IL6ST: variants seen among roughly 807,000 people sequenced by gnomAD.
IL6ST encodes the protein interleukin-6 receptor subunit beta.
IL6ST carries 24 observed loss-of-function variants against 91.3 expected under a neutral mutation model. That is an observed-to-expected ratio of 0.26 (90% CI 0.19 to 0.37). The LOEUF (loss-of-function observed/expected upper bound fraction) is 0.37. IL6ST is among the 10% of genes least tolerant of loss of function. The pLI, the probability that IL6ST is intolerant of heterozygous loss-of-function variation, is 1.00. For synonymous variants in IL6ST, 351 were observed against 373.6 expected (o/e 0.94, Z 0.70); for missense variants, 914 against 1,078.5 (o/e 0.85, Z 2.14).
At chr5:55,969,936 TAG>T (rs755303203) in intron 3 of IL6ST, 81 bp from the exon 4 acceptor site, 240 of 859,802 alleles carry the variant, frequency 2.8e-4, no homozygotes, top group Non-Finnish European at 4.2e-4. Flanking sequence ...GCACTCAATG[TAG>T]AGTCCCTCAA....
intron 5 of IL6ST, among the ~76,000 whole-genome samples, chr5:55,967,002 G>A (rs908313355): frequency 6.6e-6 from 1 of 151,424 alleles, no homozygotes; most frequent in Admixed American, 6.6e-5. Flanking sequence ...AGATCTAAAA[G>A]CAATTTTTTG....
intron 1 of IL6ST, among the ~76,000 whole-genome samples, chr5:55,984,555 A>G (rs1351350883): frequency 6.6e-6 from 1 of 152,216 alleles, no homozygotes; most frequent in Non-Finnish European, 1.5e-5. Context: ...AGAAGCTAGG[A>G]GAGGCAAAGG....
rs1372740824 is a variant in IL6ST at position 55,937,462 on chromosome 5, G to C, written c.*3620C>G. 1 of 211,040 alleles carries C rather than the reference G, an allele frequency of 4.7e-6. No homozygotes were observed. Among genetic ancestry groups the C allele is most frequent in the African/African-American group, 2.3e-5 (1 of 44,122 alleles). The allele number at this position is 211,040 out of a possible 1,614,324, so 13.1% of individuals were successfully genotyped here. A position where few individuals can be genotyped will look rare whatever the true frequency, so the allele number is the denominator to read the frequency against. ...AATACGCTTGGCTTTGTAAAGTTTT[G>C]TTTTGACTTACATCATCTGAATTCT... On this transcript the variant is annotated 3_prime_UTR_variant, in exon 17 of 17. Transcript: ENST00000381298.
chr5:55,953,232 A>G (rs1215403011), intron 11 of IL6ST, among the ~76,000 whole-genome samples: 1 of 152,180 alleles, frequency 6.6e-6, no homozygotes, highest in African/African-American at 2.4e-5. Context: ...ATGAAGTTAC[A>G]TGCTCCTTTA....
intron 1 of IL6ST, among the ~76,000 whole-genome samples, chr5:55,992,407 T>C (rs1437296538): frequency 6.6e-6 from 1 of 152,204 alleles, no homozygotes; most frequent in African/African-American, 2.4e-5. Flanking sequence ...CCTTTAGATC[T>C]ACCACTTAGC....
chr5:55,968,513 A>G (rs999691968), intron 4 of IL6ST, 117 bp from the exon 5 acceptor site: 10 of 876,360 alleles, frequency 1.1e-5, no homozygotes, highest in Non-Finnish European at 1.4e-5. Context: ...AAACCCAAGC[A>G]AAAAGTATGG....
chr5:55,946,385 C>T (rs1751250889), intron 15 of IL6ST, among the ~76,000 whole-genome samples: 1 of 152,220 alleles, frequency 6.6e-6, no homozygotes, highest in Non-Finnish European at 1.5e-5. Context: ...AAAACATATG[C>T]TCGCACAGTT....
At chr5:55,963,530 G>A (rs906594957) in intron 6 of IL6ST, 24 bp from the exon 7 acceptor site, 2 of 1,562,842 alleles carry the variant, frequency 1.3e-6, no homozygotes, top group Non-Finnish European at 8.7e-7. Context: ...TAAATCCTAA[G>A]GTTTATTATG....
chr5:55,938,236 G>A lies in IL6ST; in HGVS notation c.*2846C>T. On this transcript the variant is annotated 3_prime_UTR_variant, in exon 17 of 17. Transcript: ENST00000381298. ...GGCTGAAATTTAAATGAACAATTAG[G>A]TAGAGAAGAGGTATGAACACAGAAC... 5.2e-6 allele frequency: 1 copy of A among 192,772 alleles called. No individual in the cohort carries two copies. Among genetic ancestry groups the A allele is most frequent in the Non-Finnish European group, 1.1e-5 (1 of 92,272 alleles). 11.9% of individuals were successfully genotyped at this position (192,772 alleles called of 1,614,324 possible). A position where few individuals can be genotyped will look rare whatever the true frequency, so the allele number is the denominator to read the frequency against.
intron 3 of IL6ST, among the ~76,000 whole-genome samples, chr5:55,974,176 T>C (rs6450358): frequency 0.21 from 31,380 of 152,024 alleles, 4,910 homozygotes; most frequent in African/African-American, 0.44. Context: ...TGTAGTCAGA[T>C]TGGTTTTGGT....
intron 6 of IL6ST, 83 bp from the exon 7 acceptor site, chr5:55,963,589 CCTTT>C (rs776279780): frequency 7.5e-5 from 75 of 994,158 alleles, no homozygotes; most frequent in Non-Finnish European, 1.1e-4. Context: ...TATTGTCCTT[CCTTT>C]ATTTTACAAT....
Position 55,941,293 on chromosome 5 carries a change from TTAAGTC to T in IL6ST, c.2540_2545del (p.Arg847_Leu848del), listed in dbSNP as rs757168599. 18 of 1,614,140 alleles carry T rather than the reference TTAAGTC, an allele frequency of 1.1e-5. No homozygotes were observed. In the South Asian group the frequency reaches 1.9e-4, roughly 17 times the overall value. Reference sequence around the variant, plus strand: ...TGAAATATGATCTGAAATCTGCTGTTTAAGTCTAACAAAATCTTCCTCATTGACTGA... The same window carrying T: ...TGAAATATGATCTGAAATCTGCTGTTTAACAAAATCTTCCTCATTGACTGA... On this transcript the variant is annotated inframe_deletion, in exon 17 of 17. Coordinates refer to ENST00000381298, the MANE Select transcript of IL6ST (RefSeq NM_002184.4).
chr5:55,941,798 G>C lies in IL6ST; in HGVS notation c.2041C>G (p.Gln681Glu). The C allele has an allele frequency of 9.9e-6, 16 of 1,610,336 alleles. No individual in the cohort carries two copies. Among genetic ancestry groups the C allele is most frequent in the Non-Finnish European group, 1.3e-5 (15 of 1,178,606 alleles). Residue 681 changes from glutamine (Q) to glutamate (E), a missense_variant, in exon 17 of 17, where the codon CAA becomes GAA. Gln to Glu is a conservative substitution (Grantham distance 29, BLOSUM62 2). Transcript: ENST00000381298. ...PPRHNFNSKD[Q>E]MYSDGNFTDV... ...GTGAAATTGCCATCTGAATACATTT[G>C]ATCTTTTGAATTAAAATTGTGCTAA...
At chr5:55,976,678 A>C (rs996112605) in intron 2 of IL6ST, among the ~76,000 whole-genome samples, 1 of 152,258 alleles carries the variant, frequency 6.6e-6, no homozygotes, top group Non-Finnish European at 1.5e-5. Flanking sequence ...TGTAATTCAT[A>C]GCATGGCCAA....
intron 15 of IL6ST, 114 bp downstream of exon 15, chr5:55,947,379 T>G (rs927393657): frequency 5.9e-6 from 4 of 674,314 alleles, no homozygotes; most frequent in African/African-American, 1.9e-5. Context: ...TACATCTGTA[T>G]GTAATTACAA....
In IL6ST at chr5:55,969,682, T is replaced by C. The variant is rs747931328; in HGVS notation, c.238A>G (p.Thr80Ala). 6.2e-7 allele frequency: 1 copy of C among 1,612,422 alleles called. No individual in the cohort carries two copies. Among genetic ancestry groups the C allele is most frequent in the African/African-American group, 1.3e-5 (1 of 75,000 alleles). The change falls in exon 4 of 17, where the codon ACT (threonine) becomes GCT (alanine). Residue 80 changes from threonine to alanine, a missense_variant. Physicochemically the swap from Thr to Ala is moderately conservative, Grantham distance 58. Coordinates refer to ENST00000381298, the MANE Select transcript of IL6ST (RefSeq NM_002184.4). ...NHFTIPKEQYTIINRTASSVT... is the reference protein window; with the variant it reads ...NHFTIPKEQYAIINRTASSVT... ...CTGGATGCTGTTCTGTTTATGATAGTATATTGCTCCTTAGGAATAGTAAAA... is the reference window on the plus strand; with the variant it reads ...CTGGATGCTGTTCTGTTTATGATAGCATATTGCTCCTTAGGAATAGTAAAA...
intron 10 of IL6ST, among the ~76,000 whole-genome samples, chr5:55,955,813 T>A (rs1446019541): frequency 6.6e-6 from 1 of 152,102 alleles, no homozygotes; most frequent in Non-Finnish European, 1.5e-5. Flanking sequence ...GCTCAGGAGT[T>A]CGAGACCAGC....
rs1753739332 is a variant in IL6ST, at chr5:55,982,791, T to C, written c.-83A>G. On this transcript the variant is annotated 5_prime_UTR_variant, in exon 2 of 17. The change abolishes an upstream ATG in the 5' untranslated region. Transcript: ENST00000381298. Reference sequence around the variant, plus strand: ...CTAAGTCTTCTACTTCTAAATGTCATGCTTTTTCCATTGGGTTTCACTGTA... The same window carrying C: ...CTAAGTCTTCTACTTCTAAATGTCACGCTTTTTCCATTGGGTTTCACTGTA... 2 of 398,220 alleles carry C rather than the reference T, an allele frequency of 5.0e-6. No homozygotes were observed. Among genetic ancestry groups the C allele is most frequent in the African/African-American group, 2.1e-5 (1 of 48,600 alleles). 24.7% of individuals were successfully genotyped at this position (398,220 alleles called of 1,614,324 possible). A position where few individuals can be genotyped will look rare whatever the true frequency, so the allele number is the denominator to read the frequency against.
intron 2 of IL6ST, among the ~76,000 whole-genome samples, chr5:55,980,497 C>T (rs376049809): frequency 9.2e-5 from 14 of 152,244 alleles, no homozygotes; most frequent in Middle Eastern, 3.4e-3. Flanking sequence ...TTGCAGTGAA[C>T]GGAGATGGCG....
Sources: allele counts gnomAD v4.1 joint callset (sites outside exome capture counted in the v4.1 genomes callset), GRCh38; gene constraint gnomAD v4.1.1; transcripts MANE v1.5; gene names NCBI Gene and HGNC (gene_info 2026-07-23, HGNC 2026-07-21).